GRID1: variants seen among roughly 807,000 people sequenced by gnomAD.
The protein encoded by GRID1 is glutamate receptor ionotropic, delta-1.
Under a neutral mutation model 98.0 loss-of-function variants are expected in GRID1, and 28 were observed. That is an observed-to-expected ratio of 0.29 (90% CI 0.21 to 0.39). The LOEUF (loss-of-function observed/expected upper bound fraction) is 0.39, where lower values mean the gene tolerates loss of function less well. Among genes scored for constraint, GRID1 ranks in the 10% least tolerant of loss-of-function variants. GRID1 has a pLI of 1.00. For synonymous variants in GRID1, 553 were observed against 538.5 expected, an observed-to-expected ratio of 1.03 and a Z score of -0.37; for missense variants, 1,111 against 1,340.5, an observed-to-expected ratio of 0.83 and a Z score of 2.67.
chr10:86,250,688 G>T (rs972790567), intron 2 of GRID1, among the ~76,000 whole-genome samples: 2 of 151,808 alleles, frequency 1.3e-5, no homozygotes, highest in Admixed American at 6.6e-5. Flanking sequence ...GGGAGGTGGG[G>T]GACAGCCCCC....
chr10:85,672,529 A>G (rs774443791), intron 12 of GRID1, among the ~76,000 whole-genome samples: 4 of 151,954 alleles, frequency 2.6e-5, no homozygotes, highest in African/African-American at 4.8e-5. Flanking sequence ...GATGGTCTTG[A>G]TCTCTTGACC....
At chr10:85,624,338 C>T (rs1044504752) in intron 13 of GRID1, among the ~76,000 whole-genome samples, 2 of 152,202 alleles carry the variant, frequency 1.3e-5, no homozygotes, top group Admixed American at 6.5e-5. Flanking sequence ...TTTCCAATCG[C>T]TGACTTACCA....
In GRID1 at chr10:86,336,585, C is replaced by T. The variant is rs142470616; in HGVS notation, c.235+27356G>A. On this transcript the variant is annotated intron_variant, in intron 2 of 15. Coordinates refer to ENST00000327946, the MANE Select transcript of GRID1 (RefSeq NM_017551.3). ...GGTCCACACCTCCCCATACCCCTGC[C>T]GTCCTCTGGGTGCCTGGAACCCCGT... 4.9e-3 allele frequency among the ~76,000 whole-genome samples: 750 copies of T among 152,320 alleles called. 1 individual carries two copies. The highest frequency in any genetic ancestry group is 8.7e-3 in the Non-Finnish European group (591 of 68,032).
intron 3 of GRID1, among the ~76,000 whole-genome samples, chr10:86,143,684 C>A (rs1180461077): frequency 6.6e-6 from 1 of 152,206 alleles, no homozygotes; most frequent in Non-Finnish European, 1.5e-5. Context: ...GGCCTCGCAT[C>A]AACCTGATCC....
At position 85,824,011 on chromosome 10, in the gene GRID1, A is replaced by C. The variant is rs536026339; in HGVS notation, c.1233+30485T>G. Among the ~76,000 whole-genome samples, 4 of 152,350 alleles carry C rather than the reference A, an allele frequency of 2.6e-5. No homozygotes were observed. In the South Asian group the frequency reaches 8.3e-4, roughly 32 times the overall value. ...GGAAAGGATCCCAGAGAAAAGTAGAAAGGACTAAGAACAATTGAAAAATTA... is the reference window on the plus strand; with the variant it reads ...GGAAAGGATCCCAGAGAAAAGTAGACAGGACTAAGAACAATTGAAAAATTA... On this transcript the variant is annotated intron_variant, in intron 8 of 15. Transcript: ENST00000327946.
chr10:85,611,272 CCGT>C (rs1842729686), intron 15 of GRID1, among the ~76,000 whole-genome samples: 1 of 152,214 alleles, frequency 6.6e-6, no homozygotes, highest in South Asian at 2.1e-4. Flanking sequence ...ATTGTCCAAA[CCGT>C]CACTAAACTA....
chr10:86,336,164 T>C (rs953069322), intron 2 of GRID1, among the ~76,000 whole-genome samples: 9 of 152,234 alleles, frequency 5.9e-5, no homozygotes, highest in Admixed American at 3.9e-4. Context: ...AGGAGTCTGA[T>C]CACTGGACTT....
At chr10:85,822,437 A>C (rs1842781465) in intron 8 of GRID1, among the ~76,000 whole-genome samples, 1 of 152,230 alleles carries the variant, frequency 6.6e-6, no homozygotes, top group Non-Finnish European at 1.5e-5. Flanking sequence ...ACATGAAAAA[A>C]TGCTCATCAT....
chr10:85,945,719 A>G (rs773740763), intron 4 of GRID1, among the ~76,000 whole-genome samples: 4 of 152,220 alleles, frequency 2.6e-5, no homozygotes, highest in Non-Finnish European at 4.4e-5. Context: ...AAATTTTCAT[A>G]GTTTTCATAA....
rs951280947 is a variant in GRID1, at chr10:85,769,950, T to A, written c.1234-40336A>T. On this transcript the variant is annotated intron_variant, in intron 8 of 15. Coordinates refer to ENST00000327946, the MANE Select transcript of GRID1 (RefSeq NM_017551.3). ...ACCTCTGCAGACTTAAATGTCCCTG[T>A]CTGACAGCTTTGAAGAGAGCAGTGG... Among the ~76,000 whole-genome samples, 4 of 152,216 alleles carry A rather than the reference T, an allele frequency of 2.6e-5. No homozygotes were observed. The East Asian group carries it at 7.7e-4, about 29-fold the overall frequency.
At chr10:85,949,748 T>A (rs1842095903) in intron 4 of GRID1, among the ~76,000 whole-genome samples, 1 of 152,224 alleles carries the variant, frequency 6.6e-6, no homozygotes, top group African/African-American at 2.4e-5. Context: ...TATAGATATA[T>A]TGCCGGGATT....
chr10:85,647,606 C>T (rs10788461), intron 12 of GRID1: 284,301 of 556,824 alleles, frequency 0.51, 74,226 homozygotes, highest in African/African-American at 0.74. Context: ...TTTCTCAGTG[C>T]AGATTAATTC....
intron 4 of GRID1, among the ~76,000 whole-genome samples, chr10:86,120,763 T>G (rs1287050674): frequency 1.3e-5 from 2 of 152,232 alleles, no homozygotes; most frequent in Non-Finnish European, 2.9e-5. Context: ...TCACCTTCTA[T>G]GTAACTATTT....
intron 13 of GRID1, among the ~76,000 whole-genome samples, chr10:85,638,947 C>T (rs1041839209): frequency 2.0e-5 from 3 of 152,144 alleles, no homozygotes; most frequent in African/African-American, 4.8e-5. Context: ...CAGGATAGGA[C>T]ATTCAGCAAC....
intron 4 of GRID1, among the ~76,000 whole-genome samples, chr10:85,945,243 TAA>T (rs1842041297): frequency 1.3e-5 from 2 of 152,262 alleles, no homozygotes; most frequent in African/African-American, 4.8e-5. Context: ...ATGATTTTAA[TAA>T]GTTATGATTT....
chr10:85,827,555 A>C (rs906701225), intron 8 of GRID1, among the ~76,000 whole-genome samples: 5 of 152,196 alleles, frequency 3.3e-5, no homozygotes, highest in African/African-American at 4.8e-5. Flanking sequence ...AGAGAGGAAG[A>C]GAAAGCAAGC....
intron 8 of GRID1, among the ~76,000 whole-genome samples, chr10:85,759,669 G>A (rs576028409): frequency 9.2e-5 from 14 of 152,270 alleles, no homozygotes; most frequent in African/African-American, 2.9e-4. Flanking sequence ...AAGTGAAGGC[G>A]AAATCATGTT....
intron 12 of GRID1, among the ~76,000 whole-genome samples, chr10:85,664,056 C>T (rs1360001537): frequency 1.3e-5 from 2 of 152,104 alleles, no homozygotes; most frequent in African/African-American, 4.8e-5. Flanking sequence ...GGGAACCTTG[C>T]CATATGGAAT....
chr10:86,263,998 C>T (rs918268064), intron 2 of GRID1, among the ~76,000 whole-genome samples: 4 of 152,378 alleles, frequency 2.6e-5, no homozygotes, highest in South Asian at 2.1e-4. Flanking sequence ...TGCAAGTTCA[C>T]AGCAGAGCTG....
Sources: allele counts gnomAD v4.1 joint callset (sites outside exome capture counted in the v4.1 genomes callset), GRCh38; gene constraint gnomAD v4.1.1; transcripts MANE v1.5; gene names NCBI Gene and HGNC (gene_info 2026-07-23, HGNC 2026-07-21).